Variants in RUFY3 observed in about 807,000 individuals in gnomAD.
RUFY3 encodes the protein RUN and FYVE domain containing 3.
A neutral mutation model predicts 84.0 loss-of-function variants in RUFY3; 34 were observed. The ratio of observed to expected loss-of-function variants is 0.40; its 90% CI spans 0.31 to 0.54. The LOEUF (loss-of-function observed/expected upper bound fraction) is 0.54. Among genes scored for constraint, RUFY3 ranks in the 20% least tolerant of loss-of-function variants. The probability of loss-of-function intolerance (pLI) is 0.39; values close to 1 mark genes in which losing one functional copy is unlikely to be tolerated. For synonymous variants in RUFY3, 242 were observed against 252.9 expected (o/e 0.96, Z 0.41); for missense variants, 507 against 736.8 (o/e 0.69, Z 3.61).
intron 8 of RUFY3, 135 bp downstream of exon 8, chr4:70,778,573 C>CTTT (rs377520137): frequency 0.016 from 2,379 of 151,660 alleles, 48 homozygotes; most frequent in African/African-American, 0.035. Flanking sequence ...ACTTCTTATT[C>CTTT]TTTTTTTTTT....
intron 7 of RUFY3, among the ~76,000 whole-genome samples, chr4:70,776,708 A>C (rs1002630006): frequency 6.6e-6 from 1 of 152,184 alleles, no homozygotes; most frequent in African/African-American, 2.4e-5. Context: ...CCCGGGAGGC[A>C]GAGCTTACAG....
chr4:70,722,648 C>A lies in RUFY3; in HGVS notation c.75C>A (p.Thr25=), dbSNP rs1742466730. ...AGATCACACAGGCTGCCATGGAGACCATCTACCTTTGCAAATTCCGAGTGT... is the reference window on the plus strand; with the variant it reads ...AGATCACACAGGCTGCCATGGAGACAATCTACCTTTGCAAATTCCGAGTGT... ...TDKITQAAME[T]IYLCKFRVSM... is the part of the protein sequence containing the mutation. Residue 25 remains threonine (T), a synonymous_variant, in exon 1 of 18, where the codon ACC becomes ACA. Coordinates refer to ENST00000381006, the MANE Select transcript of RUFY3 (RefSeq NM_001037442.4). The A allele has an allele frequency of 6.2e-7, 1 of 1,613,930 alleles. No homozygotes were observed. Among genetic ancestry groups the A allele is most frequent in the Non-Finnish European group, 8.5e-7 (1 of 1,180,038 alleles).
At chr4:70,764,297 A>G (rs1002281631) in intron 3 of RUFY3, among the ~76,000 whole-genome samples, 178 bp from the exon 4 acceptor site, 1 of 152,222 alleles carries the variant, frequency 6.6e-6, no homozygotes, top group Admixed American at 6.5e-5. Flanking sequence ...GTTCCGGGTC[A>G]CATTAGCCCA....
chr4:70,711,149 A>T (rs1426482192), intron 1 of RUFY3, among the ~76,000 whole-genome samples: 1 of 148,232 alleles, frequency 6.7e-6, no homozygotes, highest in Non-Finnish European at 1.5e-5. Context: ...AAAAGAGATG[A>T]GGTCTCACTG....
chr4:70,737,974 A>G (rs1232822091), intron 1 of RUFY3, among the ~76,000 whole-genome samples: 1 of 118,620 alleles, frequency 8.4e-6, no homozygotes. Context: ...TGCCCAGCCT[A>G]TTAATTCCTT....
chr4:70,721,923 C>T (rs1742348204), upstream of RUFY3: 9 of 1,231,670 alleles, frequency 7.3e-6, no homozygotes, highest in Middle Eastern at 6.2e-4. Context: ...GCTTGCCCTA[C>T]GTTCAGAGCA....
At chr4:70,720,888 C>CCTGT (rs983753729), upstream of RUFY3, among the ~76,000 whole-genome samples, 1 of 138,468 alleles carries the variant, frequency 7.2e-6, no homozygotes, top group Non-Finnish European at 1.6e-5. Context: ...AATATAGGGC[C>CCTGT]GTGTGTGTGT....
At chr4:70,763,487 G>C (rs1725369629) in intron 2 of RUFY3, 65 bp from the exon 3 acceptor site, 14 of 1,211,126 alleles carry the variant, frequency 1.2e-5, no homozygotes, top group Non-Finnish European at 1.6e-5. Context: ...GTATGTGTGT[G>C]TGTATTGAGA....
intron 5 of RUFY3, among the ~76,000 whole-genome samples, chr4:70,771,992 A>G (rs59336501): frequency 0.07 from 10,665 of 152,028 alleles, 583 homozygotes; most frequent in East Asian, 0.2. Flanking sequence ...CACTAACCAG[A>G]TTGATGAGGA....
At chr4:70,721,929 G>A (rs993229733), upstream of RUFY3, 1 of 1,231,820 alleles carries the variant, frequency 8.1e-7, no homozygotes, top group Non-Finnish European at 1.0e-6. Flanking sequence ...CCTACGTTCA[G>A]AGCAGCTGGT....
At chr4:70,782,269 G>C (rs1317636569) in intron 8 of RUFY3, among the ~76,000 whole-genome samples, 1 of 150,816 alleles carries the variant, frequency 6.6e-6, no homozygotes, top group Admixed American at 6.6e-5. Context: ...TATAAAAGTA[G>C]CAGTAAGGTG....
Position 70,762,456 on chromosome 4 carries a change from A to T in RUFY3, c.179-63A>T, listed in dbSNP as rs573400253. The T allele has an allele frequency of 1.2e-4, 167 of 1,438,798 alleles. No homozygotes were observed. The African/African-American group carries it at 2.0e-3, about 17-fold the overall frequency. The allele number at this position is 1,438,798 out of a possible 1,614,324, so 89.1% of individuals were successfully genotyped here. On this transcript the variant is annotated intron_variant, in intron 1 of 17. Coordinates refer to ENST00000381006, the MANE Select transcript of RUFY3 (RefSeq NM_001037442.4). ...CATGGTGGAGAAGAATACAACTAATACTGAATTTTAAAATGTGCTATTTCT... is the reference window on the plus strand; with the variant it reads ...CATGGTGGAGAAGAATACAACTAATTCTGAATTTTAAAATGTGCTATTTCT...
chr4:70,708,366 T>C (rs1006266516), intron 1 of RUFY3, among the ~76,000 whole-genome samples: 1 of 151,812 alleles, frequency 6.6e-6, no homozygotes, highest in African/African-American at 2.4e-5. Context: ...GTAGAGACCA[T>C]GTTGGCCAGG....
chr4:70,705,314 G>A (rs1389935308), intron 1 of RUFY3: 11 of 1,348,522 alleles, frequency 8.2e-6, no homozygotes, highest in African/African-American at 1.5e-5. Context: ...GGAGGGGCAT[G>A]GGGACGCCCG....
intron 15 of RUFY3, among the ~76,000 whole-genome samples, chr4:70,800,714 C>T (rs1732115868): frequency 6.6e-6 from 1 of 151,904 alleles, no homozygotes; most frequent in Non-Finnish European, 1.5e-5. Flanking sequence ...GAAACCCGGT[C>T]TCTACTAACG....
chr4:70,724,766 A>G (rs989923620), intron 1 of RUFY3, among the ~76,000 whole-genome samples: 8 of 152,222 alleles, frequency 5.3e-5, no homozygotes, highest in Non-Finnish European at 1.0e-4. Flanking sequence ...GTCCCATGAA[A>G]GCCTGTGAGT....
At chr4:70,709,995 A>G (rs545189362) in intron 1 of RUFY3, among the ~76,000 whole-genome samples, 2 of 152,334 alleles carry the variant, frequency 1.3e-5, no homozygotes, top group African/African-American at 4.8e-5. Flanking sequence ...CAGCGTTACT[A>G]TGACTACCCA....
intron 1 of RUFY3, among the ~76,000 whole-genome samples, chr4:70,744,931 A>G (rs1560483464): frequency 6.6e-6 from 1 of 151,852 alleles, no homozygotes; most frequent in African/African-American, 2.4e-5. Context: ...CTGGGATTAC[A>G]GACATGAGCC....
chr4:70,791,553 G>C, intron 12 of RUFY3: 1 of 1,299,146 alleles, frequency 7.7e-7, no homozygotes, highest in African/African-American at 1.5e-5. Flanking sequence ...AATTATTTCT[G>C]AGTTGACCAA....
Sources: allele counts gnomAD v4.1 joint callset (sites outside exome capture counted in the v4.1 genomes callset), GRCh38; gene constraint gnomAD v4.1.1; transcripts MANE v1.5; gene names NCBI Gene and HGNC (gene_info 2026-07-23, HGNC 2026-07-21).